CD53: variants seen among roughly 807,000 people sequenced by gnomAD.
CD53 encodes leukocyte surface antigen CD53.
Under a neutral mutation model 27.3 loss-of-function variants are expected in CD53, and 20 were observed. That is an observed-to-expected ratio of 0.73 (90% CI 0.52 to 1.07). The LOEUF is 1.07. Ranked by LOEUF, CD53 falls within the 50% of genes least tolerant of loss-of-function variation. The probability of loss-of-function intolerance (pLI) is 0.00; values close to 1 mark genes in which losing one functional copy is unlikely to be tolerated. For synonymous variants in CD53, 106 were observed against 105.3 expected (o/e 1.01, Z -0.04); for missense variants, 216 against 264.0 (o/e 0.82, Z 1.26).
chr1:110,874,881 CCT>C (rs1239717614), intron 1 of CD53, among the ~76,000 whole-genome samples: 1 of 152,186 alleles, frequency 6.6e-6, no homozygotes. Context: ...CTCTGGTTCT[CCT>C]TTCCCACTCC....
chr1:110,874,748 C>G (rs1324730439), intron 1 of CD53, among the ~76,000 whole-genome samples: 3 of 152,042 alleles, frequency 2.0e-5, no homozygotes, highest in African/African-American at 4.8e-5. Context: ...CTATGGTTAC[C>G]ACCACCTAAG....
Position 110,877,194 on chromosome 1 carries a change from G to C in CD53, c.-18+3946G>C, listed in dbSNP as rs374385753. On this transcript the variant is annotated intron_variant, in intron 1 of 7. Transcript: ENST00000271324. The stretch of plus-strand genomic sequence containing the variant: ...AATTTTTCTTGCCATTGATATTCTT[G>C]AAGAGTAAGGTCAGTTCTTTTTTAG... 5.3e-5 allele frequency among the ~76,000 whole-genome samples: 8 copies of C among 152,274 alleles called. No individual in the cohort carries two copies. The East Asian group carries it at 1.3e-3, about 26-fold the overall frequency.
At position 110,890,732 on chromosome 1, in the gene CD53, A is replaced by G. The variant is rs141347263; in HGVS notation, c.-17-660A>G. On this transcript the variant is annotated intron_variant, in intron 1 of 7. Coordinates refer to ENST00000271324, the MANE Select transcript of CD53 (RefSeq NM_000560.4). ...TGAAAAAAATAAAGCTTACATTGCTATCTCTTTTTACTTCCCCATTGCATA... is the reference window on the plus strand; with the variant it reads ...TGAAAAAAATAAAGCTTACATTGCTGTCTCTTTTTACTTCCCCATTGCATA... 2.9e-3 allele frequency among the ~76,000 whole-genome samples: 435 copies of G among 152,372 alleles called. 2 individuals carry two copies. Among genetic ancestry groups the G allele is most frequent in the African/African-American group, 0.01 (419 of 41,598 alleles).
chr1:110,898,237 C>T (rs376705096), intron 7 of CD53, among the ~76,000 whole-genome samples: 8 of 151,986 alleles, frequency 5.3e-5, no homozygotes, highest in Non-Finnish European at 7.4e-5. Context: ...ATTAACCAGA[C>T]GTAGTGGCAG....
At chr1:110,895,151 C>A in intron 5 of CD53, 96 bp downstream of exon 5, 2 of 869,770 alleles carry the variant, frequency 2.3e-6, no homozygotes, top group Non-Finnish European at 1.9e-6. Context: ...GTTTCAGAAT[C>A]TAAGGTCCAC....
intron 1 of CD53, among the ~76,000 whole-genome samples, chr1:110,882,589 T>C (rs192642530): frequency 1.3e-5 from 2 of 152,172 alleles, no homozygotes; most frequent in African/African-American, 4.8e-5. Context: ...AGAATTAATT[T>C]CTTGAAGCCT....
chr1:110,892,219 T>C (rs752333988), intron 2 of CD53, 126 bp from the exon 3 acceptor site: 7 of 763,776 alleles, frequency 9.2e-6, no homozygotes, highest in African/African-American at 3.4e-5. Context: ...GTAAAGAAAT[T>C]GTTCATGAGA....
At chr1:110,885,033 T>G (rs923984757) in intron 1 of CD53, among the ~76,000 whole-genome samples, 3 of 152,152 alleles carry the variant, frequency 2.0e-5, no homozygotes, top group Non-Finnish European at 4.4e-5. Flanking sequence ...CATTTGTTGT[T>G]ACCCCTTTTC....
In CD53 at chr1:110,899,418, C is replaced by CA; in HGVS notation, c.*226dup. Reference sequence around the variant, plus strand: ...CACTGACGGCAGCAGCCATGTCTCTCAAAGTGGTGAAACTAATATCTGAGC... The same window carrying CA: ...CACTGACGGCAGCAGCCATGTCTCTCAAAAGTGGTGAAACTAATATCTGAGC... On this transcript the variant is annotated 3_prime_UTR_variant, in exon 8 of 8. Coordinates refer to ENST00000271324, the MANE Select transcript of CD53 (RefSeq NM_000560.4). The CA allele has an allele frequency of 2.2e-6, 1 of 463,790 alleles. No homozygotes were observed. The highest frequency in any genetic ancestry group is 2.0e-5 in the African/African-American group (1 of 49,782). 28.7% of individuals were successfully genotyped at this position (463,790 alleles called of 1,614,324 possible). A position where few individuals can be genotyped will look rare whatever the true frequency, so the allele number is the denominator to read the frequency against.
In CD53 at chr1:110,899,808, CCAGT is replaced by C. The variant is rs1338669178; in HGVS notation, c.*616_*619del. ...CCAGTGATTTATATCCTGATTTCAA[CCAGT>C]CACTTAGCTGATAATCACAGTAAGA... On this transcript the variant is annotated 3_prime_UTR_variant, in exon 8 of 8. Coordinates refer to ENST00000271324, the MANE Select transcript of CD53 (RefSeq NM_000560.4). 1 of 152,732 alleles carries C rather than the reference CCAGT, an allele frequency of 6.5e-6. No individual in the cohort carries two copies. The highest frequency in any genetic ancestry group is 1.5e-5 in the Non-Finnish European group (1 of 68,116). 9.5% of individuals were successfully genotyped at this position (152,732 alleles called of 1,614,324 possible).
intron 5 of CD53, among the ~76,000 whole-genome samples, 177 bp from the exon 6 acceptor site, chr1:110,896,476 T>C (rs150798005): frequency 5.6e-4 from 86 of 152,326 alleles, no homozygotes; most frequent in Non-Finnish European, 1.0e-3. Flanking sequence ...CTTATGTGAA[T>C]GAAATGGTAT....
At chr1:110,883,934 T>C (rs1468696489) in intron 1 of CD53, among the ~76,000 whole-genome samples, 1 of 152,080 alleles carries the variant, frequency 6.6e-6, no homozygotes, top group South Asian at 2.1e-4. Flanking sequence ...TGATTACCTG[T>C]GTATAAGTTT....
At chr1:110,872,205 T>C (rs1557811329), upstream of CD53, among the ~76,000 whole-genome samples, 1 of 152,212 alleles carries the variant, frequency 6.6e-6, no homozygotes, top group Admixed American at 6.5e-5. Context: ...TCTAAGAAAA[T>C]TCCAGTGATG....
intron 1 of CD53, among the ~76,000 whole-genome samples, chr1:110,878,964 A>G (rs1570896100): frequency 1.3e-5 from 2 of 151,176 alleles, no homozygotes; most frequent in Admixed American, 1.3e-4. Flanking sequence ...AACATTTTCA[A>G]TTTGTTCTAA....
chr1:110,886,722 G>A (rs1369164453), intron 1 of CD53, among the ~76,000 whole-genome samples: 1 of 151,278 alleles, frequency 6.6e-6, no homozygotes, highest in Non-Finnish European at 1.5e-5. Flanking sequence ...GGTGGCACGT[G>A]CTGTGGTCCC....
In CD53 at chr1:110,899,233, T is replaced by C. The variant is rs1467144663; in HGVS notation, c.*38T>C. The C allele has an allele frequency of 1.4e-6, 2 of 1,464,472 alleles. No homozygotes were observed. The highest frequency in any genetic ancestry group is 1.4e-5 in the African/African-American group (1 of 72,540). 90.7% of individuals were successfully genotyped at this position (1,464,472 alleles called of 1,614,324 possible). ...CTGTGGTGAAGAGACTTGTTTCATC[T>C]CCGGAAATGCAAAACCATTTATAGC... On this transcript the variant is annotated 3_prime_UTR_variant, in exon 8 of 8. Coordinates refer to ENST00000271324, the MANE Select transcript of CD53 (RefSeq NM_000560.4).
chr1:110,876,149 A>G (rs1570893695), intron 1 of CD53, among the ~76,000 whole-genome samples: 1 of 152,354 alleles, frequency 6.6e-6, no homozygotes, highest in South Asian at 2.1e-4. Context: ...TTAACTCACA[A>G]TGAGAGCCAA....
intron 1 of CD53, among the ~76,000 whole-genome samples, chr1:110,874,421 T>G (rs547179765): frequency 3.7e-4 from 57 of 152,152 alleles, no homozygotes; most frequent in Non-Finnish European, 5.9e-4. Context: ...AAGGAGAATA[T>G]TTGTCTAGCA....
intron 1 of CD53, among the ~76,000 whole-genome samples, chr1:110,879,469 G>A (rs1656264085): frequency 1.3e-5 from 2 of 152,122 alleles, no homozygotes; most frequent in Non-Finnish European, 2.9e-5. Flanking sequence ...TAAGTGATCT[G>A]CAACATAAAA....
Sources: allele counts gnomAD v4.1 joint callset (sites outside exome capture counted in the v4.1 genomes callset), GRCh38; gene constraint gnomAD v4.1.1; transcripts MANE v1.5; gene names NCBI Gene and HGNC (gene_info 2026-07-23, HGNC 2026-07-21).